Variants in ACOT7 observed in about 807,000 individuals in gnomAD.
ACOT7 encodes the protein acyl-CoA thioesterase 7, also known as cytosolic acyl coenzyme A thioester hydrolase.
ACOT7 carries 12 observed loss-of-function variants against 40.2 expected under a neutral mutation model. That is an observed-to-expected ratio of 0.30 (90% CI 0.19 to 0.48). The LOEUF (loss-of-function observed/expected upper bound fraction) is 0.48, where lower values mean the gene tolerates loss of function less well. Among genes scored for constraint, ACOT7 ranks in the 20% least tolerant of loss-of-function variants. ACOT7 has a pLI of 0.99. For missense variants in ACOT7, 395 were observed against 530.8 expected (o/e 0.74, Z 2.51); for synonymous variants, 228 against 219.5 (o/e 1.04, Z -0.34).
At chr1:6,375,438 C>A (rs191486966) in intron 1 of ACOT7, among the ~76,000 whole-genome samples, 1 of 152,010 alleles carries the variant, frequency 6.6e-6, no homozygotes, top group Non-Finnish European at 1.5e-5. Context: ...GAGGTAGACG[C>A]GGGCGGATCA....
In ACOT7 at chr1:6,306,815, C is replaced by G; in HGVS notation, c.712+11677G>C. The G allele has an allele frequency of 1.6e-6, 2 of 1,289,000 alleles. No homozygotes were observed. The highest frequency in any genetic ancestry group is 2.0e-6 in the Non-Finnish European group (2 of 988,590). The allele number at this position is 1,289,000 out of a possible 1,614,324, so 79.8% of individuals were successfully genotyped here. On this transcript the variant is annotated intron_variant, in intron 6 of 8. Transcript: ENST00000361521. The surrounding 1 kb of genome is among the most constrained non-coding windows in gnomAD (Gnocchi z 4.3). ...CGTAGCAGTGGGGGCTCCGGCCAAA[C>G]AAGGTCACGGAATTGGAAAAGAGTA... is the stretch of plus-strand genomic sequence containing the variant.
intron 2 of ACOT7, among the ~76,000 whole-genome samples, chr1:6,340,404 A>G (rs761499919): frequency 2.0e-5 from 3 of 152,220 alleles, no homozygotes; most frequent in Non-Finnish European, 2.9e-5. Context: ...ATTTTCTCAC[A>G]ATAGGCATGC....
intron 8 of ACOT7, among the ~76,000 whole-genome samples, chr1:6,269,857 G>A (rs985505157): frequency 7.2e-5 from 11 of 152,248 alleles, no homozygotes; most frequent in East Asian, 3.8e-4. Flanking sequence ...ACGTCACTGC[G>A]TGGAGTGCCC....
Position 6,393,556 on chromosome 1 carries a change from G to C in ACOT7, c.-157C>G, listed in dbSNP as rs1557678815. On this transcript the variant is annotated 5_prime_UTR_variant, in exon 1 of 9. Transcript: ENST00000361521. ...CGCCAAGGCTGCAGAGAGCTCGCGCGGGCGTACGATTCTGGCGGCGTGGGG... is the reference window on the plus strand; with the variant it reads ...CGCCAAGGCTGCAGAGAGCTCGCGCCGGCGTACGATTCTGGCGGCGTGGGG... 2 of 621,926 alleles carry C rather than the reference G, an allele frequency of 3.2e-6. No individual in the cohort carries two copies. The highest frequency in any genetic ancestry group is 4.5e-6 in the Non-Finnish European group (2 of 444,136). 38.5% of individuals were successfully genotyped at this position (621,926 alleles called of 1,614,324 possible). A position where few individuals can be genotyped will look rare whatever the true frequency, so the allele number is the denominator to read the frequency against.
Position 6,318,476 on chromosome 1 carries a change from G to T in ACOT7, c.712+16C>A. 1 of 1,612,306 alleles carries T rather than the reference G, an allele frequency of 6.2e-7. No homozygotes were observed. Among genetic ancestry groups the T allele is most frequent in the Non-Finnish European group, 8.5e-7 (1 of 1,179,172 alleles). ...CAAGGGACAGGAATGGAGTGGCCAG[G>T]GCGCTTCCTTCTTACCTCCGTGCAC... On this transcript the variant is annotated intron_variant, in intron 6 of 8. Transcript: ENST00000361521.
intron 6 of ACOT7, among the ~76,000 whole-genome samples, chr1:6,302,972 C>T: frequency 6.6e-6 from 1 of 152,224 alleles, no homozygotes; most frequent in East Asian, 1.9e-4. Context: ...ATAGTGCCTT[C>T]CTCACAACTG....
At chr1:6,349,480 C>T (rs1307028933) in intron 2 of ACOT7, among the ~76,000 whole-genome samples, 4 of 152,222 alleles carry the variant, frequency 2.6e-5, no homozygotes, top group East Asian at 1.9e-4. Flanking sequence ...GCGGGGGACT[C>T]GGCATGGCGG....
intron 1 of ACOT7, among the ~76,000 whole-genome samples, chr1:6,383,516 T>C (rs1642386701): frequency 6.7e-6 from 1 of 149,898 alleles, no homozygotes; most frequent in African/African-American, 2.5e-5. Flanking sequence ...CGGTAAATTA[T>C]ATATTATGTG....
Position 6,366,171 on chromosome 1 carries a change from C to G in ACOT7, c.144-16305G>C, listed in dbSNP as rs759448690. On this transcript the variant is annotated intron_variant, in intron 1 of 8. Transcript: ENST00000361521. ...TCAGCCTCCCAAAGTGCTGGGATTA[C>G]CGCCCGGCCTGCAGACTGATTAGGA... Among the ~76,000 whole-genome samples the G allele has an allele frequency of 4.7e-4, 71 of 152,050 alleles. 1 individual carries two copies. Among genetic ancestry groups the G allele is most frequent in the Non-Finnish European group, 8.7e-4 (59 of 67,992 alleles).
At chr1:6,361,476 T>C (rs1641893311) in intron 1 of ACOT7, among the ~76,000 whole-genome samples, 1 of 152,186 alleles carries the variant, frequency 6.6e-6, no homozygotes, top group African/African-American at 2.4e-5. Context: ...GTAGACTCAA[T>C]AGAGTTATAG....
chr1:6,366,874 G>A (rs60915457), intron 1 of ACOT7, among the ~76,000 whole-genome samples: 10,550 of 151,908 alleles, frequency 0.069, 445 homozygotes, highest in African/African-American at 0.11. Context: ...AGATGGTCTC[G>A]ATCTCCTAGA....
At chr1:6,266,019 G>A (rs1638841487) in intron 8 of ACOT7, among the ~76,000 whole-genome samples, 1 of 152,176 alleles carries the variant, frequency 6.6e-6, no homozygotes, top group African/African-American at 2.4e-5. Context: ...TCGCCGGCCT[G>A]GAGCCAATGG....
chr1:6,387,957 T>G (rs1642466873), intron 1 of ACOT7, among the ~76,000 whole-genome samples: 1 of 151,760 alleles, frequency 6.6e-6, no homozygotes. Context: ...TCTTTTTTTT[T>G]GAGACGGAGT....
chr1:6,271,843 G>A (rs2148366861), intron 8 of ACOT7, among the ~76,000 whole-genome samples: 1 of 152,386 alleles, frequency 6.6e-6, no homozygotes, highest in Middle Eastern at 3.4e-3. Flanking sequence ...GTGGGGCCAA[G>A]AAAGGAGGCG....
chr1:6,369,917 A>G (rs1642096357), intron 1 of ACOT7, among the ~76,000 whole-genome samples: 1 of 152,152 alleles, frequency 6.6e-6, no homozygotes, highest in African/African-American at 2.4e-5. Context: ...CTTGATCCAT[A>G]GGTTGCAGAA....
At chr1:6,298,498 G>A (rs770987959) in intron 6 of ACOT7, among the ~76,000 whole-genome samples, 4 of 152,206 alleles carry the variant, frequency 2.6e-5, no homozygotes, top group Non-Finnish European at 4.4e-5. Context: ...TAAGTCACAT[G>A]GAGGTCCGAT....
rs1641825911 is a variant in ACOT7 at position 6,358,957 on chromosome 1, G to A, written c.144-9091C>T. On this transcript the variant is annotated intron_variant, in intron 1 of 8. Coordinates refer to ENST00000361521, the MANE Select transcript of ACOT7 (RefSeq NM_007274.4). The surrounding 1 kb of genome is among the most constrained non-coding windows in gnomAD (Gnocchi z 4.1). ...CCCAGCTCCCTGCCACACCGGGCTTGGTGGGGAGCACCCCCCACCCCCAGC... is the reference window on the plus strand; with the variant it reads ...CCCAGCTCCCTGCCACACCGGGCTTAGTGGGGAGCACCCCCCACCCCCAGC... 4.0e-6 allele frequency: 6 copies of A among 1,498,598 alleles called. No homozygotes were observed. Among genetic ancestry groups the A allele is most frequent in the Non-Finnish European group, 5.4e-6 (6 of 1,115,388 alleles). The allele number at this position is 1,498,598 out of a possible 1,614,324, so 92.8% of individuals were successfully genotyped here.
intron 8 of ACOT7, among the ~76,000 whole-genome samples, chr1:6,270,505 A>G (rs1329705802): frequency 6.6e-6 from 1 of 152,180 alleles, no homozygotes; most frequent in Non-Finnish European, 1.5e-5. Context: ...AGAAAGGATG[A>G]GGTGGCAAAG....
chr1:6,305,547 T>C (rs1640120657), intron 6 of ACOT7, among the ~76,000 whole-genome samples: 1 of 134,684 alleles, frequency 7.4e-6, no homozygotes, highest in African/African-American at 2.9e-5. Context: ...TCCTCACTTC[T>C]CAGACGGGGC....
Sources: allele counts gnomAD v4.1 joint callset (sites outside exome capture counted in the v4.1 genomes callset), GRCh38; gene constraint gnomAD v4.1.1; non-coding constraint Gnocchi (gnomAD v3.1); transcripts MANE v1.5; gene names NCBI Gene and HGNC (gene_info 2026-07-23, HGNC 2026-07-21).